The following BMERB1 variants were observed in gnomAD, a reference collection of about 807,000 sequenced individuals.
The protein encoded by BMERB1 is bMERB domain-containing protein 1.
A neutral mutation model predicts 23.6 loss-of-function variants in BMERB1; 12 were observed. The ratio of observed to expected loss-of-function variants is 0.51; its 90% CI spans 0.33 to 0.82. BMERB1 has a LOEUF of 0.82. Among genes scored for constraint, BMERB1 ranks in the 40% least tolerant of loss-of-function variants. The probability of loss-of-function intolerance (pLI) is 0.03; values close to 1 mark genes in which losing one functional copy is unlikely to be tolerated. For missense variants in BMERB1, 247 were observed against 255.4 expected, an observed-to-expected ratio of 0.97 and a Z score of 0.22; for synonymous variants, 122 against 96.6, an observed-to-expected ratio of 1.26 and a Z score of -1.54.
At chr16:15,487,925 T>G (rs1324805002) in intron 1 of BMERB1, among the ~76,000 whole-genome samples, 2 of 152,236 alleles carry the variant, frequency 1.3e-5, no homozygotes. Context: ...GTTGCCCTCT[T>G]GGTTTTGGTG....
chr16:15,448,415 C>A (rs1182154182), intron 1 of BMERB1, among the ~76,000 whole-genome samples: 1 of 152,102 alleles, frequency 6.6e-6, no homozygotes, highest in Admixed American at 6.6e-5. Context: ...GTTATTATGT[C>A]TCAGAAGGAA....
intron 1 of BMERB1, among the ~76,000 whole-genome samples, chr16:15,467,582 G>A (rs1265515400): frequency 2.0e-5 from 3 of 152,042 alleles, no homozygotes; most frequent in Admixed American, 1.3e-4. Flanking sequence ...AGTTCTTTAT[G>A]TATTCTAAAT....
chr16:15,478,542 G>A (rs1410571062), intron 1 of BMERB1, among the ~76,000 whole-genome samples: 1 of 152,186 alleles, frequency 6.6e-6, no homozygotes, highest in African/African-American at 2.4e-5. Context: ...GGGTGTGACA[G>A]TGATTTTCAA....
rs1422139482 is a variant in BMERB1 at position 15,502,318 on chromosome 16, T to C, written c.107-12987T>C. On this transcript the variant is annotated intron_variant, in intron 1 of 5. Transcript: ENST00000300006. ...TGTCAGTTTCCTCAGCCGCAAATTCTTCCATGTGGGGCGACCTCACAGAGA... is the reference window on the plus strand; with the variant it reads ...TGTCAGTTTCCTCAGCCGCAAATTCCTCCATGTGGGGCGACCTCACAGAGA... The C allele has an allele frequency of 4.1e-5, 64 of 1,551,286 alleles. 1 individual carries two copies. In the Admixed American group the frequency reaches 1.3e-3, roughly 30 times the overall value.
At chr16:15,466,167 C>T (rs1217823780) in intron 1 of BMERB1, among the ~76,000 whole-genome samples, 6 of 152,154 alleles carry the variant, frequency 3.9e-5, no homozygotes, top group African/African-American at 1.4e-4. Flanking sequence ...AATTGCTATC[C>T]AACTGTGACT....
intron 3 of BMERB1, among the ~76,000 whole-genome samples, chr16:15,577,698 A>G (rs564039095): frequency 1.3e-5 from 2 of 152,116 alleles, no homozygotes; most frequent in Non-Finnish European, 2.9e-5. Flanking sequence ...TCCTCCCTTC[A>G]TTTTCCCTCA....
chr16:15,581,382 T>G, intron 4 of BMERB1, 51 bp downstream of exon 4: 1 of 1,493,372 alleles, frequency 6.7e-7, no homozygotes, highest in South Asian at 1.2e-5. Flanking sequence ...AGCAACCTTC[T>G]GCTTCCTTCC....
chr16:15,451,557 T>C (rs1309235959), intron 1 of BMERB1, among the ~76,000 whole-genome samples: 2 of 137,062 alleles, frequency 1.5e-5, no homozygotes, highest in African/African-American at 2.8e-5. Context: ...TATTTCTTTT[T>C]TTTTTTTTTT....
At chr16:15,543,209 C>CA (rs1397225240) in intron 2 of BMERB1, among the ~76,000 whole-genome samples, 1 of 152,100 alleles carries the variant, frequency 6.6e-6, no homozygotes, top group Non-Finnish European at 1.5e-5. Flanking sequence ...TGTCCCCAGC[C>CA]AAACTCCTCT....
intron 1 of BMERB1, among the ~76,000 whole-genome samples, chr16:15,491,672 A>T (rs1284261017): frequency 6.6e-6 from 1 of 151,932 alleles, no homozygotes; most frequent in Non-Finnish European, 1.5e-5. Context: ...TAGAGACAGG[A>T]TCTCACTGTG....
chr16:15,492,779 C>T (rs1311337273), intron 1 of BMERB1, among the ~76,000 whole-genome samples: 1 of 152,010 alleles, frequency 6.6e-6, no homozygotes, highest in African/African-American at 2.4e-5. Context: ...ACTAGCCAGG[C>T]ATGGTGGCAC....
intron 1 of BMERB1, among the ~76,000 whole-genome samples, chr16:15,497,993 A>G (rs965588858): frequency 1.3e-5 from 2 of 152,178 alleles, no homozygotes; most frequent in African/African-American, 2.4e-5. Flanking sequence ...ACTGTGCTCA[A>G]TGTGTGAATC....
At chr16:15,561,019 G>C (rs568989620) in intron 2 of BMERB1, among the ~76,000 whole-genome samples, 5 of 127,796 alleles carry the variant, frequency 3.9e-5, no homozygotes. Context: ...GCAGTGGCAC[G>C]ATCTCAGCTC....
chr16:15,485,981 C>T (rs1353107035), intron 1 of BMERB1, among the ~76,000 whole-genome samples: 1 of 152,028 alleles, frequency 6.6e-6, no homozygotes, highest in Non-Finnish European at 1.5e-5. Flanking sequence ...GTGGCTCATG[C>T]CTGTAATCCT....
intron 2 of BMERB1, among the ~76,000 whole-genome samples, chr16:15,563,901 T>G (rs2030494869): frequency 6.6e-6 from 1 of 152,116 alleles, no homozygotes; most frequent in Non-Finnish European, 1.5e-5. Context: ...TGGGAGGTGT[T>G]TGGGTCACGG....
At chr16:15,586,510 A>G (rs1596406589) in intron 5 of BMERB1, among the ~76,000 whole-genome samples, 2 of 151,258 alleles carry the variant, frequency 1.3e-5, no homozygotes, top group South Asian at 4.1e-4. Context: ...ATTGAGGACC[A>G]TATAAAATGA....
chr16:15,452,721 G>A (rs1390272891), intron 1 of BMERB1, among the ~76,000 whole-genome samples: 3 of 152,178 alleles, frequency 2.0e-5, no homozygotes, highest in East Asian at 1.9e-4. Flanking sequence ...CCAGTCTCAG[G>A]ACAATGGTGG....
At chr16:15,509,120 C>A (rs929685482) in intron 1 of BMERB1, among the ~76,000 whole-genome samples, 6 of 152,078 alleles carry the variant, frequency 3.9e-5, no homozygotes. Flanking sequence ...GTGATTAATT[C>A]TCTTCGTCCC....
intron 1 of BMERB1, among the ~76,000 whole-genome samples, chr16:15,507,470 A>G (rs935146623): frequency 1.3e-5 from 2 of 152,142 alleles, no homozygotes; most frequent in African/African-American, 2.4e-5. Flanking sequence ...TGGAAGCTCA[A>G]TGACAGCAGT....
Sources: allele counts gnomAD v4.1 joint callset (sites outside exome capture counted in the v4.1 genomes callset), GRCh38; gene constraint gnomAD v4.1.1; transcripts MANE v1.5; gene names NCBI Gene and HGNC (gene_info 2026-07-23, HGNC 2026-07-21).